CPQ: variants seen among roughly 807,000 people sequenced by gnomAD.
The protein encoded by CPQ is carboxypeptidase Q.
A neutral mutation model predicts 45.7 loss-of-function variants in CPQ; 37 were observed. The observed-to-expected ratio is 0.81, with a 90% CI of 0.62 to 1.07. CPQ has a LOEUF of 1.07. Among genes scored for constraint, CPQ ranks in the 50% least tolerant of loss-of-function variants. The pLI is 0.00. For missense variants in CPQ, 537 were observed against 572.9 expected (o/e 0.94, Z 0.64); for synonymous variants, 186 against 205.8 (o/e 0.90, Z 0.82).
intron 1 of CPQ, among the ~76,000 whole-genome samples, chr8:96,747,662 T>C (rs1810208393): frequency 6.6e-6 from 1 of 152,292 alleles, no homozygotes; most frequent in Non-Finnish European, 1.5e-5. Flanking sequence ...GATTCATCTT[T>C]TTTACTTTCC....
chr8:96,837,006 A>G (rs1442174614), intron 3 of CPQ, among the ~76,000 whole-genome samples: 3 of 152,166 alleles, frequency 2.0e-5, no homozygotes, highest in Admixed American at 6.5e-5. Context: ...ATACATAATA[A>G]CATTGGACTT....
intron 3 of CPQ, among the ~76,000 whole-genome samples, chr8:96,871,245 G>A (rs1349087348): frequency 2.0e-5 from 3 of 152,006 alleles, no homozygotes; most frequent in East Asian, 3.9e-4. Flanking sequence ...GTACACAAAT[G>A]TGAATAAACA....
At chr8:97,108,120 T>C (rs1267553266) in intron 7 of CPQ, among the ~76,000 whole-genome samples, 2 of 152,226 alleles carry the variant, frequency 1.3e-5, no homozygotes, top group Non-Finnish European at 2.9e-5. Context: ...CAGGTCAAAG[T>C]TGATTATTTT....
At chr8:96,688,153 A>G (rs1378605410) in intron 1 of CPQ, among the ~76,000 whole-genome samples, 2 of 152,124 alleles carry the variant, frequency 1.3e-5, no homozygotes, top group African/African-American at 4.8e-5. Context: ...ATAACATTTA[A>G]TCTACATTTT....
intron 7 of CPQ, among the ~76,000 whole-genome samples, chr8:97,069,137 A>G (rs935871574): frequency 1.2e-4 from 18 of 152,214 alleles, no homozygotes; most frequent in African/African-American, 4.1e-4. Flanking sequence ...AAAGGTTTAC[A>G]TAAAGTCAGT....
chr8:97,063,907 C>G (rs530427830), intron 6 of CPQ, among the ~76,000 whole-genome samples: 1 of 152,204 alleles, frequency 6.6e-6, no homozygotes, highest in South Asian at 2.1e-4. Context: ...CGTGATGCCT[C>G]CAGCTTTGTT....
At position 96,798,288 on chromosome 8, in the gene CPQ, C is replaced by T. The variant is rs201598778; in HGVS notation, c.433+12958C>T. On this transcript the variant is annotated intron_variant, in intron 2 of 7. Transcript: ENST00000220763. ...GGGCCCACAGGTGCATGCCACCACA[C>T]CTGGCTAATTTTTCGATTTTTTTTA... Among the ~76,000 whole-genome samples, 7 of 151,618 alleles carry T rather than the reference C, an allele frequency of 4.6e-5. 1 individual carries two copies. The highest frequency in any genetic ancestry group is 3.9e-4 in the Admixed American group (6 of 15,240).
At chr8:97,006,000 A>G (rs951690766) in intron 5 of CPQ, among the ~76,000 whole-genome samples, 1 of 152,210 alleles carries the variant, frequency 6.6e-6, no homozygotes, top group Non-Finnish European at 1.5e-5. Flanking sequence ...TATCGTCTGC[A>G]GTTTAGAATC....
chr8:96,715,317 A>G (rs898833675), intron 1 of CPQ, among the ~76,000 whole-genome samples: 23 of 152,138 alleles, frequency 1.5e-4, no homozygotes, highest in Non-Finnish European at 4.4e-5. Flanking sequence ...CAGGAAAGCA[A>G]TCTACCTCCC....
chr8:97,102,192 G>A (rs750498439), intron 7 of CPQ, among the ~76,000 whole-genome samples: 3 of 152,066 alleles, frequency 2.0e-5, no homozygotes, highest in Non-Finnish European at 4.4e-5. Context: ...AAAGGAAAAC[G>A]GATGTATTTC....
At chr8:97,030,270 C>A (rs1397517702) in intron 6 of CPQ, among the ~76,000 whole-genome samples, 4 of 152,142 alleles carry the variant, frequency 2.6e-5, no homozygotes, top group African/African-American at 4.8e-5. Context: ...TGGATGGTTT[C>A]CCCTGAATGT....
chr8:96,865,154 G>T (rs1175739280), intron 3 of CPQ, among the ~76,000 whole-genome samples: 1 of 151,912 alleles, frequency 6.6e-6, no homozygotes, highest in Non-Finnish European at 1.5e-5. Context: ...TCATAGCATT[G>T]GTGTGAAAGT....
chr8:97,086,770 G>A (rs1166996518), intron 7 of CPQ, among the ~76,000 whole-genome samples: 1 of 152,052 alleles, frequency 6.6e-6, no homozygotes, highest in Admixed American at 6.5e-5. Context: ...TGTCCCAGAG[G>A]AATACCAAGA....
intron 1 of CPQ, among the ~76,000 whole-genome samples, chr8:96,705,411 T>G (rs1809519762): frequency 6.6e-6 from 1 of 152,170 alleles, no homozygotes; most frequent in Admixed American, 6.6e-5. Context: ...GGAAAGCAGA[T>G]TTTTCCTCAC....
At chr8:96,912,089 T>C (rs1314176527) in intron 4 of CPQ, among the ~76,000 whole-genome samples, 1 of 152,228 alleles carries the variant, frequency 6.6e-6, no homozygotes, top group Non-Finnish European at 1.5e-5. Flanking sequence ...ATGTTTTGCC[T>C]TTCTGACCCC....
chr8:96,916,961 A>T (rs1431058216), intron 4 of CPQ, among the ~76,000 whole-genome samples: 2 of 152,140 alleles, frequency 1.3e-5, no homozygotes, highest in Non-Finnish European at 2.9e-5. Flanking sequence ...AACTATCAAA[A>T]TGCTTATTGC....
chr8:97,050,531 CT>C (rs1223454179), intron 6 of CPQ, among the ~76,000 whole-genome samples: 2 of 152,050 alleles, frequency 1.3e-5, no homozygotes, highest in Non-Finnish European at 2.9e-5. Context: ...GGTATTTTAT[CT>C]TTTGAATTTT....
intron 5 of CPQ, among the ~76,000 whole-genome samples, chr8:97,027,537 A>G (rs1040197676): frequency 9.9e-5 from 15 of 152,238 alleles, no homozygotes; most frequent in African/African-American, 3.6e-4. Context: ...ATAAAGAGGC[A>G]TAAGTTCAGG....
intron 5 of CPQ, among the ~76,000 whole-genome samples, chr8:96,985,363 T>C (rs1015031262): frequency 6.6e-6 from 1 of 152,150 alleles, no homozygotes; most frequent in Non-Finnish European, 1.5e-5. Flanking sequence ...CCATACAGAA[T>C]AAATCTATCA....
Sources: allele counts gnomAD v4.1 joint callset (sites outside exome capture counted in the v4.1 genomes callset), GRCh38; gene constraint gnomAD v4.1.1; transcripts MANE v1.5; gene names NCBI Gene and HGNC (gene_info 2026-07-23, HGNC 2026-07-21).